The following AGPAT4 variants were observed in gnomAD, a reference collection of about 807,000 sequenced individuals.
The protein encoded by AGPAT4 is 1-acylglycerol-3-phosphate O-acyltransferase 4, also known as 1-acyl-sn-glycerol-3-phosphate acyltransferase delta.
In AGPAT4, 15 loss-of-function variants were observed where a neutral mutation model predicts 48.0. The ratio of observed to expected loss-of-function variants is 0.31; its 90% CI spans 0.21 to 0.48. The LOEUF (loss-of-function observed/expected upper bound fraction) is 0.48, where lower values mean the gene tolerates loss of function less well. AGPAT4 is among the 20% of genes least tolerant of loss of function. The pLI, the probability that AGPAT4 is intolerant of heterozygous loss-of-function variation, is 0.99. For synonymous variants in AGPAT4, 178 were observed against 198.7 expected (o/e 0.90, Z 0.88); for missense variants, 314 against 482.5 (o/e 0.65, Z 3.27).
In AGPAT4 at chr6:161,171,692, A is replaced by T. The variant is rs923790866; in HGVS notation, c.179-5275T>A. 6.6e-6 allele frequency among the ~76,000 whole-genome samples: 1 copy of T among 151,748 alleles called. No individual in the cohort carries two copies. The highest frequency in any genetic ancestry group is 1.5e-5 in the Non-Finnish European group (1 of 67,964). Reference sequence around the variant, plus strand: ...ATCACAAGGTCAGGAGATCGAGACCATCCTGGCTAACACAGTGAAACCCTG... The same window carrying T: ...ATCACAAGGTCAGGAGATCGAGACCTTCCTGGCTAACACAGTGAAACCCTG... On this transcript the variant is annotated intron_variant, in intron 2 of 8. Transcript: ENST00000320285. This position sits in a 1 kb window ranked among gnomAD's most constrained non-coding sequence, Gnocchi z 4.4.
In AGPAT4 at chr6:161,245,541, A is replaced by G. The variant is rs1036717165; in HGVS notation, c.-89-13239T>C. 2.6e-5 allele frequency among the ~76,000 whole-genome samples: 4 copies of G among 152,218 alleles called. No homozygotes were observed. The highest frequency in any genetic ancestry group is 2.6e-4 in the Admixed American group (4 of 15,274). On this transcript the variant is annotated intron_variant, in intron 1 of 8. Coordinates refer to ENST00000320285, the MANE Select transcript of AGPAT4 (RefSeq NM_020133.3). The surrounding 1 kb of genome is among the most constrained non-coding windows in gnomAD (Gnocchi z 5.2). ...ACTCTGCTGCCTCTATAGTGGCCAC[A>G]GGAGCTTACTTTTTGTGGGGTGGTT...
chr6:161,131,054 A>G lies in AGPAT4; in HGVS notation c.*5486T>C. 3.0e-6 allele frequency: 1 copy of G among 338,210 alleles called. No homozygotes were observed. The highest frequency in any genetic ancestry group is 2.4e-5 in the South Asian group (1 of 41,654). 21.0% of individuals were successfully genotyped at this position (338,210 alleles called of 1,614,324 possible). ...ATGCAGCAATCTTAACTTTGTGTACATACCACTCACCTCCCTTAAAATTCA... is the reference window on the plus strand; with the variant it reads ...ATGCAGCAATCTTAACTTTGTGTACGTACCACTCACCTCCCTTAAAATTCA... On this transcript the variant is annotated 3_prime_UTR_variant, in exon 9 of 9. Coordinates refer to ENST00000320285, the MANE Select transcript of AGPAT4 (RefSeq NM_020133.3).
rs1780553922 is a variant in AGPAT4 at position 161,180,556 on chromosome 6, G to A, written c.179-14139C>T. ...GATTGCTATGAAATATAACAAATAT[G>A]TATAATTATACATTTATAATAACCT... is the stretch of plus-strand genomic sequence containing the variant. On this transcript the variant is annotated intron_variant, in intron 2 of 8. Transcript: ENST00000320285. The surrounding 1 kb of genome is among the most constrained non-coding windows in gnomAD (Gnocchi z 6.4). Among the ~76,000 whole-genome samples the A allele has an allele frequency of 6.6e-6, 1 of 152,160 alleles. No individual in the cohort carries two copies. The highest frequency in any genetic ancestry group is 2.1e-4 in the South Asian group (1 of 4,822).
In AGPAT4 at chr6:161,155,398, C is replaced by T. The variant is rs1439540508; in HGVS notation, c.349-1088G>A. 6.6e-6 allele frequency among the ~76,000 whole-genome samples: 1 copy of T among 152,200 alleles called. No individual in the cohort carries two copies. Among genetic ancestry groups the T allele is most frequent in the Non-Finnish European group, 1.5e-5 (1 of 68,032 alleles). On this transcript the variant is annotated intron_variant, in intron 3 of 8. Coordinates refer to ENST00000320285, the MANE Select transcript of AGPAT4 (RefSeq NM_020133.3). This position sits in a 1 kb window ranked among gnomAD's most constrained non-coding sequence, Gnocchi z 5.8. The stretch of plus-strand genomic sequence containing the variant: ...GGCAGCCCTAAACCTAGGATGCCCA[C>T]AGCGCAGAGAGCTCCGGCTTCAACA...
intron 3 of AGPAT4, among the ~76,000 whole-genome samples, chr6:161,157,973 T>C (rs932220603): frequency 2.0e-5 from 3 of 152,298 alleles, no homozygotes; most frequent in East Asian, 3.9e-4. Flanking sequence ...GAATAATGTA[T>C]GGAAACATCT....
chr6:161,154,443 T>A lies in AGPAT4; in HGVS notation c.349-133A>T, dbSNP rs1254784428. 1 of 1,018,928 alleles carries A rather than the reference T, an allele frequency of 9.8e-7. No individual in the cohort carries two copies. The highest frequency in any genetic ancestry group is 2.5e-5 in the Admixed American group (1 of 39,314). 63.1% of individuals were successfully genotyped at this position (1,018,928 alleles called of 1,614,324 possible). A position where few individuals can be genotyped will look rare whatever the true frequency, so the allele number is the denominator to read the frequency against. On this transcript the variant is annotated intron_variant, in intron 3 of 8. Coordinates refer to ENST00000320285, the MANE Select transcript of AGPAT4 (RefSeq NM_020133.3). This position sits in a 1 kb window ranked among gnomAD's most constrained non-coding sequence, Gnocchi z 7.8. ...CGCCTCGGGACAGTCCCAGAACACA[T>A]GCTGTCGAGGCCATGGACCCTGGTG...
In AGPAT4 at chr6:161,246,692, T is replaced by C. The variant is rs1228568225; in HGVS notation, c.-89-14390A>G. Among the ~76,000 whole-genome samples, 3 of 152,182 alleles carry C rather than the reference T, an allele frequency of 2.0e-5. No individual in the cohort carries two copies. The highest frequency in any genetic ancestry group is 7.2e-5 in the African/African-American group (3 of 41,434). ...GCACAGGGGATTCTTACAGAGCCCC[T>C]TGCTAGGTTTTAAGTGGTAAGTACC... On this transcript the variant is annotated intron_variant, in intron 1 of 8. Coordinates refer to ENST00000320285, the MANE Select transcript of AGPAT4 (RefSeq NM_020133.3). This position sits in a 1 kb window ranked among gnomAD's most constrained non-coding sequence, Gnocchi z 5.5.
intron 5 of AGPAT4, among the ~76,000 whole-genome samples, chr6:161,151,510 G>C (rs1257670451): frequency 6.6e-6 from 1 of 152,244 alleles, no homozygotes; most frequent in Admixed American, 6.5e-5. Flanking sequence ...CCTGCAAGCT[G>C]GGCAACCCCA....
In AGPAT4 at chr6:161,133,291, G is replaced by C. The variant is rs534567567; in HGVS notation, c.*3249C>G. On this transcript the variant is annotated 3_prime_UTR_variant, in exon 9 of 9. Transcript: ENST00000320285. ...GACAATTAATGACATTTAAATCACT[G>C]TCCCACATATGGATATATTAGAAAA... is the stretch of plus-strand genomic sequence containing the variant. 6.6e-6 allele frequency: 1 copy of C among 152,210 alleles called. No homozygotes were observed. Among genetic ancestry groups the C allele is most frequent in the South Asian group, 2.1e-4 (1 of 4,806 alleles). The allele number at this position is 152,210 out of a possible 1,614,324, so 9.4% of individuals were successfully genotyped here. A position where few individuals can be genotyped will look rare whatever the true frequency, so the allele number is the denominator to read the frequency against.
In AGPAT4 at chr6:161,146,479, C is replaced by T. The variant is rs1220531746; in HGVS notation, c.843+45G>A. 6.3e-7 allele frequency: 1 copy of T among 1,599,084 alleles called. No homozygotes were observed. Among genetic ancestry groups the T allele is most frequent in the Non-Finnish European group, 8.6e-7 (1 of 1,168,820 alleles). ...CACACAACACAGCCACACGGCGCAC[C>T]CACAGCTGCAACGTGAAGGGACCCC... On this transcript the variant is annotated intron_variant, in intron 7 of 8. Transcript: ENST00000320285. This position sits in a 1 kb window ranked among gnomAD's most constrained non-coding sequence, Gnocchi z 7.1.
Position 161,178,045 on chromosome 6 carries a change from G to C in AGPAT4, c.179-11628C>G, listed in dbSNP as rs115272882. On this transcript the variant is annotated intron_variant, in intron 2 of 8. Coordinates refer to ENST00000320285, the MANE Select transcript of AGPAT4 (RefSeq NM_020133.3). This position sits in a 1 kb window ranked among gnomAD's most constrained non-coding sequence, Gnocchi z 5.1. ...TCAGAGGGGCACCTGACTGTATGTG[G>C]TGTCAAATGGCCCCTACTGGGAGGT... Among the ~76,000 whole-genome samples, 1,533 of 152,290 alleles carry C rather than the reference G, an allele frequency of 0.01. 18 individuals carry two copies. The highest frequency in any genetic ancestry group is 0.036 in the African/African-American group (1,477 of 41,564).
intron 2 of AGPAT4, among the ~76,000 whole-genome samples, chr6:161,227,178 C>T (rs772433696): frequency 5.3e-5 from 8 of 152,112 alleles, no homozygotes; most frequent in African/African-American, 1.2e-4. Flanking sequence ...ATCAGCAGGT[C>T]GTATACCTTT....
In AGPAT4 at chr6:161,197,880, G is replaced by A. The variant is rs1009000060; in HGVS notation, c.179-31463C>T. On this transcript the variant is annotated intron_variant, in intron 2 of 8. Transcript: ENST00000320285. This position sits in a 1 kb window ranked among gnomAD's most constrained non-coding sequence, Gnocchi z 5.7. ...CCCACTGCTGATTGATTGAAATGTG[G>A]TCTTGGCCTCACTGTCAATAGCAAT... Among the ~76,000 whole-genome samples the A allele has an allele frequency of 6.6e-6, 1 of 152,220 alleles. No individual in the cohort carries two copies. The highest frequency in any genetic ancestry group is 2.4e-5 in the African/African-American group (1 of 41,452).
At position 161,171,226 on chromosome 6, in the gene AGPAT4, G is replaced by A. The variant is rs1780259496; in HGVS notation, c.179-4809C>T. Among the ~76,000 whole-genome samples, 1 of 152,250 alleles carries A rather than the reference G, an allele frequency of 6.6e-6. No individual in the cohort carries two copies. The highest frequency in any genetic ancestry group is 1.5e-5 in the Non-Finnish European group (1 of 68,052). ...AGGAGCCCTACGAGGGTAAATCTAA[G>A]AGAAGCAAAGATAAGGTATTTGCTG... On this transcript the variant is annotated intron_variant, in intron 2 of 8. Coordinates refer to ENST00000320285, the MANE Select transcript of AGPAT4 (RefSeq NM_020133.3). This position sits in a 1 kb window ranked among gnomAD's most constrained non-coding sequence, Gnocchi z 4.4.
rs751199698 is a variant in AGPAT4 at position 161,166,069 on chromosome 6, T to C, written c.348+179A>G. 1.3e-6 allele frequency: 1 copy of C among 775,490 alleles called. No homozygotes were observed. Among genetic ancestry groups the C allele is most frequent in the Non-Finnish European group, 2.1e-6 (1 of 481,318 alleles). The allele number at this position is 775,490 out of a possible 1,614,324, so 48.0% of individuals were successfully genotyped here. ...GTTGAGTACCTCTTATGATTGCCCA[T>C]AAGAAGCTGTTAAGACTGACTCCCA... is the stretch of plus-strand genomic sequence containing the variant. On this transcript the variant is annotated intron_variant, in intron 3 of 8. Transcript: ENST00000320285. This position sits in a 1 kb window ranked among gnomAD's most constrained non-coding sequence, Gnocchi z 6.7.
Position 161,141,048 on chromosome 6 carries a change from T to G in AGPAT4, c.844-1428A>C, listed in dbSNP as rs1779232408. On this transcript the variant is annotated intron_variant, in intron 7 of 8. Coordinates refer to ENST00000320285, the MANE Select transcript of AGPAT4 (RefSeq NM_020133.3). This position sits in a 1 kb window ranked among gnomAD's most constrained non-coding sequence, Gnocchi z 6.7. ...CAACTTGAGATAGAAAAGTCTAAAG[T>G]ATCTCATACTTTTCTTCTTTTTCAT... 1.3e-5 allele frequency among the ~76,000 whole-genome samples: 2 copies of G among 152,184 alleles called. No individual in the cohort carries two copies. The highest frequency in any genetic ancestry group is 4.1e-4 in the South Asian group (2 of 4,830).
intron 2 of AGPAT4, among the ~76,000 whole-genome samples, chr6:161,187,667 A>G (rs1280332569): frequency 6.6e-6 from 1 of 151,936 alleles, no homozygotes; most frequent in African/African-American, 2.4e-5. Context: ...CAGCCTCCCA[A>G]GTAGCTGGGA....
At chr6:161,190,587 G>GAAAAAAAA (rs11339502) in intron 2 of AGPAT4, among the ~76,000 whole-genome samples, 1 of 131,308 alleles carries the variant, frequency 7.6e-6, no homozygotes. Flanking sequence ...GAAACCAAGG[G>GAAAAAAAA]AAAAAAAAAA....
rs749167095 is a variant in AGPAT4, at chr6:161,212,550, AG to A, written c.178+19485del. Among the ~76,000 whole-genome samples, 81 of 152,190 alleles carry A rather than the reference AG, an allele frequency of 5.3e-4. No homozygotes were observed. The highest frequency in any genetic ancestry group is 9.7e-4 in the Non-Finnish European group (66 of 68,028). ...TACGAAATGGTGTTTGGTTTCCTTT[AG>A]GTTGTATTTGTATAAATATGTTATT... On this transcript the variant is annotated intron_variant, in intron 2 of 8. Transcript: ENST00000320285. The surrounding 1 kb of genome is among the most constrained non-coding windows in gnomAD (Gnocchi z 6.1).
Sources: allele counts gnomAD v4.1 joint callset (sites outside exome capture counted in the v4.1 genomes callset), GRCh38; gene constraint gnomAD v4.1.1; non-coding constraint Gnocchi (gnomAD v3.1); transcripts MANE v1.5; gene names NCBI Gene and HGNC (gene_info 2026-07-23, HGNC 2026-07-21).